The following TCAP variants were observed in gnomAD, a reference collection of about 807,000 sequenced individuals.
TCAP encodes the protein titin-cap.
Under a neutral mutation model 16.6 loss-of-function variants are expected in TCAP, and 14 were observed. That is an observed-to-expected ratio of 0.84 (90% confidence interval 0.56 to 1.32). TCAP has a LOEUF of 1.32. Among genes scored for constraint, TCAP ranks in the 40% most tolerant of loss-of-function variants. The probability of loss-of-function intolerance (pLI) is 0.00; values close to 1 mark genes in which losing one functional copy is unlikely to be tolerated. For missense variants in TCAP, 212 were observed against 223.5 expected (o/e 0.95, Z 0.33); for synonymous variants, 97 against 93.2 (o/e 1.04, Z -0.23).
Position 39,665,363 on chromosome 17 carries a change from G to A in TCAP, c.4G>A (p.Ala2Thr). The change falls in exon 1 of 2, where the codon GCT (alanine) becomes ACT (threonine). Residue 2 changes from alanine (A) to threonine (T), a missense_variant. Transcript: ENST00000309889. M[A>T]TSELSCEVSE... is the part of the protein sequence containing the mutation. The stretch of plus-strand genomic sequence containing the variant: ...GGAGAGAGAATGAGGAGTGATCATG[G>A]CTACCTCAGAGCTGAGCTGCGAGGT... 6.2e-7 allele frequency: 1 copy of A among 1,613,638 alleles called. No individual in the cohort carries two copies. Among genetic ancestry groups the A allele is most frequent in the Non-Finnish European group, 8.5e-7 (1 of 1,179,864 alleles).
At position 39,665,460 on chromosome 17, in the gene TCAP, C is replaced by G; in HGVS notation, c.101C>G (p.Pro34Arg). ...EWKDLTLSTR[P>R]EEGCSLHEED... ...AAGGATCTGACACTGTCCACACGGC[C>G]CGAGGAGGGGTGAGTGTGGGTCTGC... The change falls in exon 1 of 2, where the codon CCC becomes CGC. Residue 34 changes from proline to arginine, a missense_variant. Physicochemically the swap from Pro to Arg is moderately radical, Grantham distance 103. Transcript: ENST00000309889. 6.2e-7 allele frequency: 1 copy of G among 1,613,256 alleles called. No homozygotes were observed. The highest frequency in any genetic ancestry group is 8.5e-7 in the Non-Finnish European group (1 of 1,179,828).
Position 39,666,389 on chromosome 17 carries a change from T to G in TCAP, c.*280T>G. 2 of 541,542 alleles carry G rather than the reference T, an allele frequency of 3.7e-6. No homozygotes were observed. Among genetic ancestry groups the G allele is most frequent in the South Asian group, 2.2e-5 (1 of 46,408 alleles). 33.5% of individuals were successfully genotyped at this position (541,542 alleles called of 1,614,324 possible). ...AAAAGGTACTGGTGAGGGCAAGAGG[T>G]GCCTGGGAGGAGTGGCCCTGATCCA... On this transcript the variant is annotated 3_prime_UTR_variant, in exon 2 of 2. Transcript: ENST00000309889.
At position 39,665,895 on chromosome 17, in the gene TCAP, C is replaced by T. The variant is rs774516749; in HGVS notation, c.290C>T (p.Ala97Val). The T allele has an allele frequency of 1.2e-6, 2 of 1,612,556 alleles. No individual in the cohort carries two copies. Among genetic ancestry groups the T allele is most frequent in the African/African-American group, 1.3e-5 (1 of 75,040 alleles). Residue 97 changes from alanine (A) to valine (V), a missense_variant, in exon 2 of 2, where the codon GCC becomes GTC. Physicochemically the swap from Ala to Val is moderately conservative, Grantham distance 64 (BLOSUM62 0). Transcript: ENST00000309889. ...RVLPLPIFTP[A>V]KMGATKEERE... Reference sequence around the variant, plus strand: ...CTGCCGCTGCCCATCTTCACCCCTGCCAAGATGGGCGCCACCAAGGAGGAG... The same window carrying T: ...CTGCCGCTGCCCATCTTCACCCCTGTCAAGATGGGCGCCACCAAGGAGGAG...
rs1325844598 is a variant in TCAP, at chr17:39,666,217, G to C, written c.*108G>C. 3.4e-6 allele frequency: 5 copies of C among 1,464,402 alleles called. No individual in the cohort carries two copies. The Admixed American group carries it at 5.5e-5, about 16-fold the overall frequency. The allele number at this position is 1,464,402 out of a possible 1,614,324, so 90.7% of individuals were successfully genotyped here. ...ATGGCTGCTTTGTAGTTTGCCCAGA[G>C]TTGGGGGCTAGGGGAGGGGGGAGCC... On this transcript the variant is annotated 3_prime_UTR_variant, in exon 2 of 2. Transcript: ENST00000309889.
At chr17:39,665,539 G>C in intron 1 of TCAP, 70 bp downstream of exon 1, 1 of 1,528,002 alleles carries the variant, frequency 6.5e-7, no homozygotes, top group South Asian at 1.1e-5. Flanking sequence ...TGAGGCCAGA[G>C]CATGAAGCCC....
In TCAP at chr17:39,665,804, C is replaced by T. The variant is rs746219012; in HGVS notation, c.199C>T (p.Leu67=). ...CQVLVQRSPW[L]MMRMGILGRG... is the part of the protein sequence containing the mutation. Reference sequence around the variant, plus strand: ...GGTGCTGGTGCAGCGCTCGCCCTGGCTGATGATGCGGATGGGCATCCTCGG... The same window carrying T: ...GGTGCTGGTGCAGCGCTCGCCCTGGTTGATGATGCGGATGGGCATCCTCGG... Residue 67 remains leucine, a synonymous_variant, in exon 2 of 2, where the codon CTG becomes TTG. Transcript: ENST00000309889. 3.7e-6 allele frequency: 6 copies of T among 1,607,196 alleles called. No individual in the cohort carries two copies. In the Admixed American group the frequency reaches 8.4e-5, roughly 23 times the overall value.
At position 39,665,956 on chromosome 17, in the gene TCAP, G is replaced by A. The variant is rs2145074028; in HGVS notation, c.351G>A (p.Leu117=). The A allele has an allele frequency of 6.2e-7, 1 of 1,613,030 alleles. No homozygotes were observed. Residue 117 remains leucine (L), a synonymous_variant, in exon 2 of 2, where the codon CTG becomes CTA. Coordinates refer to ENST00000309889, the MANE Select transcript of TCAP (RefSeq NM_003673.4). Reference sequence around the variant, plus strand: ...CCCCCATCCAGCTTCAGGAGCTGCTGGCGCTGGAGACAGCCCTGGGTGGCC... The same window carrying A: ...CCCCCATCCAGCTTCAGGAGCTGCTAGCGCTGGAGACAGCCCTGGGTGGCC... ...EDTPIQLQEL[L]ALETALGGQC...
In TCAP at chr17:39,665,465, G is replaced by A. The variant is rs1451860316; in HGVS notation, c.106G>A (p.Glu36Lys). ...TCTGACACTGTCCACACGGCCCGAG[G>A]AGGGGTGAGTGTGGGTCTGCTAGAG... The part of the protein sequence containing the change: ...KDLTLSTRPE[E>K]GCSLHEEDTQ... Residue 36 changes from glutamate (E) to lysine (K), a missense_variant, in exon 1 of 2, where the codon GAG becomes AAG. Glu to Lys is a moderately conservative substitution (Grantham distance 56). Transcript: ENST00000309889. The A allele has an allele frequency of 6.2e-7, 1 of 1,613,070 alleles. No homozygotes were observed. Among genetic ancestry groups the A allele is most frequent in the Admixed American group, 1.7e-5 (1 of 60,016 alleles).
At position 39,665,702 on chromosome 17, in the gene TCAP, T is replaced by C; in HGVS notation, c.111-14T>C. The C allele has an allele frequency of 6.2e-7, 1 of 1,605,150 alleles. No homozygotes were observed. Among genetic ancestry groups the C allele is most frequent in the Non-Finnish European group, 8.5e-7 (1 of 1,176,992 alleles). Reference sequence around the variant, plus strand: ...ACAGCTCCCAGGAGCTCACTGCCCCTCCCCTCTCCCCAGCTGCTCCCTGCA... The same window carrying C: ...ACAGCTCCCAGGAGCTCACTGCCCCCCCCCTCTCCCCAGCTGCTCCCTGCA... On this transcript the variant is annotated splice_polypyrimidine_tract_variant and intron_variant, in intron 1 of 1. Coordinates refer to ENST00000309889, the MANE Select transcript of TCAP (RefSeq NM_003673.4).
In TCAP at chr17:39,665,928, A is replaced by G. The variant is rs751842310; in HGVS notation, c.323A>G (p.Asp108Gly). ...GGCGCCACCAAGGAGGAGCGTGAGG[A>G]CACCCCCATCCAGCTTCAGGAGCTG... Reference protein sequence around the residue: ...KMGATKEEREDTPIQLQELLA... With the variant: ...KMGATKEEREGTPIQLQELLA... Residue 108 changes from aspartate to glycine, a missense_variant, in exon 2 of 2, where the codon GAC becomes GGC. Physicochemically the swap from Asp to Gly is moderately conservative, Grantham distance 94. Coordinates refer to ENST00000309889, the MANE Select transcript of TCAP (RefSeq NM_003673.4). 1 of 1,612,960 alleles carries G rather than the reference A, an allele frequency of 6.2e-7. No individual in the cohort carries two copies. The highest frequency in any genetic ancestry group is 8.5e-7 in the Non-Finnish European group (1 of 1,179,976).
rs397516860 is a variant in TCAP, at chr17:39,665,697, G to GC, written c.111-15dup. 48 of 1,603,720 alleles carry GC rather than the reference G, an allele frequency of 3.0e-5. No individual in the cohort carries two copies. The African/African-American group carries it at 4.3e-4, about 14-fold the overall frequency. Reference sequence around the variant, plus strand: ...GAGCAACAGCTCCCAGGAGCTCACTGCCCCTCCCCTCTCCCCAGCTGCTCC... The same window carrying GC: ...GAGCAACAGCTCCCAGGAGCTCACTGCCCCCTCCCCTCTCCCCAGCTGCTCC... On this transcript the variant is annotated intron_variant, in intron 1 of 1. Coordinates refer to ENST00000309889, the MANE Select transcript of TCAP (RefSeq NM_003673.4).
chr17:39,665,565 G>A lies in TCAP; in HGVS notation c.110+96G>A, dbSNP rs757358249. The A allele has an allele frequency of 3.4e-6, 5 of 1,449,876 alleles. No homozygotes were observed. The African/African-American group carries it at 7.0e-5, about 20-fold the overall frequency. The allele number at this position is 1,449,876 out of a possible 1,614,324, so 89.8% of individuals were successfully genotyped here. On this transcript the variant is annotated intron_variant, in intron 1 of 1. Transcript: ENST00000309889. The stretch of plus-strand genomic sequence containing the variant: ...CATGAAGCCCTGGAGAAATTTCTGG[G>A]GGTGGGGGCAGGAAGAATGCCCCAT...
rs3194794 is a variant in TCAP, at chr17:39,666,486, G to C, written c.*377G>C. On this transcript the variant is annotated 3_prime_UTR_variant, in exon 2 of 2. Coordinates refer to ENST00000309889, the MANE Select transcript of TCAP (RefSeq NM_003673.4). ...GAGGGAGGGGGAGGTGAAAAGGGCA[G>C]AGGCAAGGATGGTGGGGCCCCCAGC... The C allele has an allele frequency of 6.3e-3, 2,115 of 335,168 alleles. 38 individuals are homozygous for C. Among genetic ancestry groups the C allele is most frequent in the African/African-American group, 0.04 (1,936 of 48,472 alleles). 20.8% of individuals were successfully genotyped at this position (335,168 alleles called of 1,614,324 possible). A position where few individuals can be genotyped will look rare whatever the true frequency, so the allele number is the denominator to read the frequency against.
chr17:39,666,170 CTG>C lies in TCAP; in HGVS notation c.*64_*65del, dbSNP rs2057254845. The C allele has an allele frequency of 3.1e-6, 5 of 1,592,376 alleles. No homozygotes were observed. In the South Asian group the frequency reaches 4.4e-5, roughly 14 times the overall value. ...TGGGCTGGGCCCTTCCTGGCTAGGA[CTG>C]TGGAGGGGAGCTGCTGGCCATGGCT... On this transcript the variant is annotated 3_prime_UTR_variant, in exon 2 of 2. Coordinates refer to ENST00000309889, the MANE Select transcript of TCAP (RefSeq NM_003673.4).
Position 39,666,064 on chromosome 17 carries a change from TCGCTCCCTGTCC to T in TCAP, c.466_477del (p.Leu156_Ser159del), listed in dbSNP as rs771363240. Reference sequence around the variant, plus strand: ...CTGTCAGCAAGCCCGGTGCACTTCGTCGCTCCCTGTCCCGCTCCATGTCCCAGGAAGCACAGA... The same window carrying T: ...CTGTCAGCAAGCCCGGTGCACTTCGTCGCTCCATGTCCCAGGAAGCACAGA... On this transcript the variant is annotated inframe_deletion, in exon 2 of 2. Transcript: ENST00000309889. The T allele has an allele frequency of 3.1e-6, 5 of 1,603,998 alleles. No homozygotes were observed. Among genetic ancestry groups the T allele is most frequent in the South Asian group, 1.1e-5 (1 of 91,074 alleles).
rs144741021 is a variant in TCAP, at chr17:39,665,446, A to C, written c.87A>C (p.Thr29=). The C allele has an allele frequency of 8.7e-6, 14 of 1,613,462 alleles. No homozygotes were observed. Among genetic ancestry groups the C allele is most frequent in the Admixed American group, 5.0e-5 (3 of 60,022 alleles). Residue 29 remains threonine, a synonymous_variant, in exon 1 of 2, where the codon ACA becomes ACC. Transcript: ENST00000309889. Reference sequence around the variant, plus strand: ...TCTGGGCAGAATGGAAGGATCTGACACTGTCCACACGGCCCGAGGAGGGGT... The same window carrying C: ...TCTGGGCAGAATGGAAGGATCTGACCCTGTCCACACGGCCCGAGGAGGGGT... The part of the protein sequence containing the change: ...EAFWAEWKDL[T]LSTRPEEGCS...
Position 39,665,796 on chromosome 17 carries a change from C to T in TCAP, c.191C>T (p.Ser64Leu), listed in dbSNP as rs45458802. The T allele has an allele frequency of 6.9e-4, 1,115 of 1,607,660 alleles. 9 individuals carry two copies. The African/African-American group carries it at 0.014, about 20-fold the overall frequency. ...CAGTGCCAGGTGCTGGTGCAGCGCT[C>T]GCCCTGGCTGATGATGCGGATGGGC... Reference protein sequence around the residue: ...QGQCQVLVQRSPWLMMRMGIL... With the variant: ...QGQCQVLVQRLPWLMMRMGIL... Residue 64 changes from serine to leucine, a missense_variant, in exon 2 of 2, where the codon TCG (serine) becomes TTG (leucine). Ser to Leu is a moderately radical substitution (Grantham distance 145). Transcript: ENST00000309889.
chr17:39,665,562 TG>T (rs1227517303), intron 1 of TCAP, 93 bp downstream of exon 1: 4 of 1,418,960 alleles, frequency 2.8e-6, no homozygotes, highest in Non-Finnish European at 2.9e-6. Context: ...GAGAAATTTC[TG>T]GGGGTGGGGG....
Position 39,665,930 on chromosome 17 carries a change from A to G in TCAP, c.325A>G (p.Thr109Ala), listed in dbSNP as rs780752425. 3 of 1,612,718 alleles carry G rather than the reference A, an allele frequency of 1.9e-6. No individual in the cohort carries two copies. The highest frequency in any genetic ancestry group is 3.3e-5 in the Admixed American group (2 of 59,992). The change falls in exon 2 of 2, where the codon ACC (threonine) becomes GCC (alanine). Residue 109 changes from threonine to alanine, a missense_variant. Physicochemically the swap from Thr to Ala is moderately conservative, Grantham distance 58 (BLOSUM62 0). Transcript: ENST00000309889. ...MGATKEERED[T>A]PIQLQELLAL... ...CGCCACCAAGGAGGAGCGTGAGGAC[A>G]CCCCCATCCAGCTTCAGGAGCTGCT...
Sources: gnomAD v4.1 joint callset for allele counts on GRCh38, gnomAD v4.1.1 for gene constraint, MANE v1.5 for transcripts, NCBI Gene and HGNC (gene_info 2026-07-23, HGNC 2026-07-21) for gene names.